Variants in ADGRG2 observed in about 807,000 individuals in gnomAD.
The protein encoded by ADGRG2 is adhesion G protein-coupled receptor G2, also known as G protein-coupled receptor 64.
Under a neutral mutation model 74.1 loss-of-function variants are expected in ADGRG2, and 26 were observed. That is an observed-to-expected ratio of 0.35 (90% CI 0.26 to 0.49). The LOEUF is 0.49. Among genes scored for constraint, ADGRG2 ranks in the 20% least tolerant of loss-of-function variants. The probability of loss-of-function intolerance (pLI) is 0.99; values close to 1 mark genes in which losing one functional copy is unlikely to be tolerated. For missense variants in ADGRG2, 619 were observed against 763.1 expected, an observed-to-expected ratio of 0.81 and a Z score of 2.22; for synonymous variants, 296 against 295.2, an observed-to-expected ratio of 1.00 and a Z score of -0.03.
chrX:19,035,953 GA>G lies in ADGRG2; in HGVS notation c.250del (p.Ser84GlnfsTer11). 1 of 999,797 alleles carries G rather than the reference GA, an allele frequency of 1.0e-6. No homozygotes were observed. Among genetic ancestry groups the G allele is most frequent in the Non-Finnish European group, 1.4e-6 (1 of 713,614 alleles). 82.4% of individuals were successfully genotyped at this position (999,797 alleles called of 1,213,427 possible). On this transcript the variant is annotated frameshift_variant, in exon 7 of 29. Transcript: ENST00000379869. LOFTEE classifies it high-confidence loss of function. ...TCACTTGATATTACCTGTTTCGTTT[GA>G]AGGGAGTAAGCTTAAAGTAACATCT... ...LNDVTLSLLPSNETEKTKITI... is the reference protein window; with the variant it reads ...LNDVTLSLLPXNETEKTKITI...
chrX:19,121,878 G>C (rs1036575208), intron 1 of ADGRG2, among the ~76,000 whole-genome samples: 1 of 111,548 alleles, frequency 9.0e-6, no homozygotes, highest in African/African-American at 3.3e-5. Context: ...CCGAGACCAC[G>C]AGCCCCCTCC....
intron 3 of ADGRG2, among the ~76,000 whole-genome samples, chrX:19,065,681 G>A (rs1288075588): frequency 1.8e-5 from 2 of 111,572 alleles, no homozygotes; most frequent in Non-Finnish European, 3.8e-5. Context: ...GCACCGAAAC[G>A]TGAGACTGAA....
chrX:19,074,162 T>C lies in ADGRG2; in HGVS notation c.-1-5327A>G, dbSNP rs754215699. Among the ~76,000 whole-genome samples, 73 of 111,999 alleles carry C rather than the reference T, an allele frequency of 6.5e-4. 1 individual carries two copies. Among genetic ancestry groups the C allele is most frequent in the Non-Finnish European group, 4.7e-4 (25 of 53,195 alleles). On this transcript the variant is annotated intron_variant, in intron 2 of 28. Coordinates refer to ENST00000379869, the MANE Select transcript of ADGRG2 (RefSeq NM_001079858.3). ...TCAGTGTTCCGGGAATATGTTGGGT[T>C]AGGTTAGTTAGATCAAACCTTGGGC...
In ADGRG2 at chrX:19,028,739, C is replaced by T. The variant is rs185192809; in HGVS notation, c.359-501G>A. 8.9e-3 allele frequency among the ~76,000 whole-genome samples: 988 copies of T among 111,569 alleles called. 11 individuals are homozygous for T. The highest frequency in any genetic ancestry group is 0.03 in the African/African-American group (919 of 30,739). On this transcript the variant is annotated intron_variant, in intron 9 of 28. Transcript: ENST00000379869. The stretch of plus-strand genomic sequence containing the variant: ...TTGGGCCACATTCAAAGCTGTCCTG[C>T]GCCGCATGTGGCCCATGGGCCGCAG...
chrX:19,004,759 C>A lies in ADGRG2; in HGVS notation c.1960G>T (p.Glu654Ter). Residue 654 changes from glutamate (E) to a stop codon, truncating the protein, a stop_gained and splice_region_variant, in exon 23 of 29, where the codon GAA becomes TAA. Coordinates refer to ENST00000379869, the MANE Select transcript of ADGRG2 (RefSeq NM_001079858.3). LOFTEE classifies it high-confidence loss of function. ...AAATTTCCGGTTGTGGATACTCACT[C>A]AAAAGCTATGTAGGTTACAAGAGTC... ...SVTLVTYIAF[E>*]KIRRDYPSKI... 8.3e-7 allele frequency: 1 copy of A among 1,207,566 alleles called. No individual in the cohort carries two copies. The highest frequency in any genetic ancestry group is 1.1e-6 in the Non-Finnish European group (1 of 893,325).
At chrX:19,015,194 G>C (rs1169669296) in intron 15 of ADGRG2, among the ~76,000 whole-genome samples, 1 of 111,934 alleles carries the variant, frequency 8.9e-6, no homozygotes, top group African/African-American at 3.2e-5. Context: ...GATCGATCTA[G>C]TGTCAGATGG....
intron 1 of ADGRG2, among the ~76,000 whole-genome samples, chrX:19,089,667 T>C (rs1419862515): frequency 9.0e-6 from 1 of 111,239 alleles, no homozygotes; most frequent in Admixed American, 9.6e-5. Flanking sequence ...CAAGCCACCA[T>C]GTAAGAGTGG....
intron 15 of ADGRG2, among the ~76,000 whole-genome samples, chrX:19,014,913 G>A (rs767251181): frequency 3.0e-4 from 34 of 112,308 alleles, no homozygotes; most frequent in Non-Finnish European, 4.3e-4. Flanking sequence ...GACTACAGGC[G>A]TGAGCCACTG....
At chrX:19,033,360 T>A (rs903309692) in intron 8 of ADGRG2, 1 of 267,634 alleles carries the variant, frequency 3.7e-6, no homozygotes, top group Non-Finnish European at 6.6e-6. Flanking sequence ...ATGTTAGTTA[T>A]CTATTTTTTT....
At chrX:19,107,378 A>C (rs1266093405) in intron 1 of ADGRG2, among the ~76,000 whole-genome samples, 2 of 112,792 alleles carry the variant, frequency 1.8e-5, no homozygotes, top group African/African-American at 6.4e-5. Flanking sequence ...TATTTGCTCT[A>C]TCCAGTTGGT....
chrX:19,012,630 C>CAAAA (rs71924946), intron 16 of ADGRG2, among the ~76,000 whole-genome samples: 1 of 33,063 alleles, frequency 3.0e-5, no homozygotes, highest in Non-Finnish European at 6.4e-5. Flanking sequence ...CCAAAGCTAC[C>CAAAA]AAAAAAAAAA....
At position 19,041,309 on chromosome X, in the gene ADGRG2, T is replaced by C. The variant is rs779413663; in HGVS notation, c.119-1085A>G. ...ATTTTTACATACATATGTGGCTATT[T>C]CTTTCAGAAATTCCATAAATGTTGT... On this transcript the variant is annotated intron_variant, in intron 3 of 28. Coordinates refer to ENST00000379869, the MANE Select transcript of ADGRG2 (RefSeq NM_001079858.3). Among the ~76,000 whole-genome samples, 3 of 112,201 alleles carry C rather than the reference T, an allele frequency of 2.7e-5. No individual in the cohort carries two copies. In the East Asian group the frequency reaches 8.4e-4, roughly 31 times the overall value.
intron 2 of ADGRG2, among the ~76,000 whole-genome samples, chrX:19,080,085 T>C (rs1396214771): frequency 9.1e-6 from 1 of 110,196 alleles, no homozygotes; most frequent in East Asian, 2.9e-4. Flanking sequence ...AATTTTTGTA[T>C]TTTTAGTAGA....
In ADGRG2 at chrX:18,994,981, T is replaced by C. The variant is rs146330434; in HGVS notation, c.2784A>G (p.Ser928=). Residue 928 remains serine, a synonymous_variant, in exon 28 of 29, where the codon TCA becomes TCG. Transcript: ENST00000379869. Reference sequence around the variant, plus strand: ...AGTTACTGCTTGACTGTAAGGAATTTGAAGAGCTGGACACTCCTTGGTTTA... The same window carrying C: ...AGTTACTGCTTGACTGTAAGGAATTCGAAGAGCTGGACACTCCTTGGTTTA... ...QTVNQGVSSS[S]NSLQSSSNST... 8.3e-7 allele frequency: 1 copy of C among 1,198,118 alleles called. No individual in the cohort carries two copies. The highest frequency in any genetic ancestry group is 1.1e-6 in the Non-Finnish European group (1 of 884,186).
At position 19,004,828 on chromosome X, in the gene ADGRG2, T is replaced by C; in HGVS notation, c.1891A>G (p.Ile631Val). Reference protein sequence around the residue: ...LPAQMMALTFITYIGCGLSSI... With the variant: ...LPAQMMALTFVTYIGCGLSSI... ...GAAAGCCCACAACCAATATATGTAA[T>C]GAACGTCAGAGCCATCATTTGAGCA... is the stretch of plus-strand genomic sequence containing the variant. The change falls in exon 23 of 29, where the codon ATT becomes GTT. Residue 631 changes from isoleucine to valine, a missense_variant. Physicochemically the swap from Ile to Val is conservative, Grantham distance 29. Coordinates refer to ENST00000379869, the MANE Select transcript of ADGRG2 (RefSeq NM_001079858.3). 8.3e-7 allele frequency: 1 copy of C among 1,201,770 alleles called. No homozygotes were observed. The highest frequency in any genetic ancestry group is 1.1e-6 in the Non-Finnish European group (1 of 886,530).
chrX:19,024,001 T>C, intron 11 of ADGRG2, 53 bp from the exon 12 acceptor site: 1 of 871,135 alleles, frequency 1.1e-6, no homozygotes, highest in Non-Finnish European at 1.7e-6. Flanking sequence ...TGATATTAAA[T>C]TGAAAACATG....
At chrX:19,031,209 G>C in intron 8 of ADGRG2, 172 bp from the exon 9 acceptor site, 1 of 444,505 alleles carries the variant, frequency 2.2e-6, no homozygotes, top group East Asian at 3.8e-5. Flanking sequence ...GTTTTCATTT[G>C]TTGGTCATTT....
At chrX:19,088,957 A>T in intron 1 of ADGRG2, among the ~76,000 whole-genome samples, 1 of 111,647 alleles carries the variant, frequency 9.0e-6, no homozygotes, top group Non-Finnish European at 1.9e-5. Flanking sequence ...TGGTGCATTA[A>T]AATTTTCCTG....
chrX:19,007,004 G>C (rs373926594), intron 20 of ADGRG2, among the ~76,000 whole-genome samples: 1 of 110,663 alleles, frequency 9.0e-6, no homozygotes, highest in African/African-American at 3.3e-5. Context: ...CAATCTGCCC[G>C]CCTCAGCCTC....
Sources: allele counts gnomAD v4.1 joint callset (sites outside exome capture counted in the v4.1 genomes callset), GRCh38; gene constraint gnomAD v4.1.1; transcripts MANE v1.5; gene names NCBI Gene and HGNC (gene_info 2026-07-23, HGNC 2026-07-21).